Variants in SPATS2L observed in about 807,000 individuals in gnomAD.
SPATS2L encodes the protein spermatogenesis associated serine rich 2 like.
Under a neutral mutation model 59.6 loss-of-function variants are expected in SPATS2L, and 30 were observed. The ratio of observed to expected loss-of-function variants is 0.50; its 90% CI spans 0.38 to 0.68. SPATS2L has a LOEUF of 0.68. Among genes scored for constraint, SPATS2L ranks in the 30% least tolerant of loss-of-function variants. The pLI is 0.00. For synonymous variants in SPATS2L, 252 were observed against 263.5 expected (o/e 0.96, Z 0.42); for missense variants, 615 against 700.0 (o/e 0.88, Z 1.37).
intron 2 of SPATS2L, among the ~76,000 whole-genome samples, chr2:200,360,605 C>A (rs2105867842): frequency 6.6e-6 from 1 of 152,254 alleles, no homozygotes; most frequent in Non-Finnish European, 1.5e-5. Context: ...TTCAAATGAA[C>A]CTAGGAGATA....
chr2:200,378,356 G>C, intron 2 of SPATS2L: 2 of 1,002,526 alleles, frequency 2.0e-6, no homozygotes, highest in African/African-American at 3.5e-5. Flanking sequence ...TTTGGAGCAC[G>C]AGGAAACCTT....
chr2:200,330,724 A>G (rs988314264), intron 2 of SPATS2L, among the ~76,000 whole-genome samples: 2 of 152,248 alleles, frequency 1.3e-5, no homozygotes, highest in African/African-American at 4.8e-5. Flanking sequence ...CTGGAAGGCA[A>G]CAGCTTGATG....
intron 12 of SPATS2L, among the ~76,000 whole-genome samples, chr2:200,477,397 C>T (rs1343402070): frequency 1.3e-5 from 2 of 151,766 alleles, no homozygotes; most frequent in East Asian, 3.9e-4. Flanking sequence ...ACTTCTGTAA[C>T]CTCTCTTTCA....
chr2:200,419,438 T>G lies in SPATS2L; in HGVS notation c.387T>G (p.Pro129=), dbSNP rs1244581246. The G allele has an allele frequency of 6.2e-7, 1 of 1,613,698 alleles. No homozygotes were observed. The highest frequency in any genetic ancestry group is 1.3e-5 in the African/African-American group (1 of 74,892). Residue 129 remains proline (P), a synonymous_variant, in exon 6 of 13, where the codon CCT becomes CCG. Transcript: ENST00000409140. ...CTAACGAAAAACCAGCCCTTATCCC[T>G]CGTGAGAAAAAGATCTCGATACTTG... ...DSANEKPALI[P]REKKISILEE... is the part of the protein sequence containing the mutation.
intron 2 of SPATS2L, among the ~76,000 whole-genome samples, chr2:200,333,288 AAAAAAAGAGAGAGAGAG>A (rs897202465): frequency 2.6e-5 from 4 of 151,904 alleles, no homozygotes; most frequent in African/African-American, 9.7e-5. Context: ...CCTGTCTCAA[AAAAAAAGAGAGAGAGAG>A]AAAGAAAAGA....
intron 2 of SPATS2L, among the ~76,000 whole-genome samples, chr2:200,358,029 T>TA (rs1415426567): frequency 6.6e-6 from 1 of 152,166 alleles, no homozygotes; most frequent in Non-Finnish European, 1.5e-5. Context: ...ACATTCCTGT[T>TA]ACAGAGTCAT....
At chr2:200,388,997 T>C (rs891676305) in intron 2 of SPATS2L, among the ~76,000 whole-genome samples, 4 of 152,222 alleles carry the variant, frequency 2.6e-5, no homozygotes, top group African/African-American at 4.8e-5. Context: ...TCGTTTTTCA[T>C]GTCAATACAG....
intron 2 of SPATS2L, among the ~76,000 whole-genome samples, chr2:200,346,405 C>T (rs951893552): frequency 6.6e-6 from 1 of 152,150 alleles, no homozygotes; most frequent in African/African-American, 2.4e-5. Context: ...ACCTTCCTCT[C>T]AGTTCTGAAG....
chr2:200,358,045 G>A (rs1192428477), intron 2 of SPATS2L, among the ~76,000 whole-genome samples: 1 of 152,138 alleles, frequency 6.6e-6, no homozygotes, highest in Non-Finnish European at 1.5e-5. Context: ...GTCATGTTCT[G>A]AAATTTTCGT....
At chr2:200,474,329 C>T (rs1251640507) in intron 12 of SPATS2L, among the ~76,000 whole-genome samples, 1 of 151,946 alleles carries the variant, frequency 6.6e-6, no homozygotes, top group Non-Finnish European at 1.5e-5. Flanking sequence ...CTAAATATAT[C>T]TTCACAGTTT....
rs2080997095 is a variant in SPATS2L, at chr2:200,358,654, A to T, written c.-23+29174A>T. The stretch of plus-strand genomic sequence containing the variant: ...ATTGCATCTTCAAGCAAATGTAGTA[A>T]TATCTTGGGCTCTTGAAAATTTGGT... On this transcript the variant is annotated intron_variant, in intron 2 of 12. Transcript: ENST00000409140. 2.0e-5 allele frequency among the ~76,000 whole-genome samples: 3 copies of T among 151,906 alleles called. No individual in the cohort carries two copies. The South Asian group carries it at 6.2e-4, about 32-fold the overall frequency.
At chr2:200,332,512 G>A (rs937573806) in intron 2 of SPATS2L, among the ~76,000 whole-genome samples, 1 of 152,102 alleles carries the variant, frequency 6.6e-6, no homozygotes, top group Non-Finnish European at 1.5e-5. Flanking sequence ...CTCCCACAGT[G>A]GTGGGATTAC....
At chr2:200,435,545 A>G (rs1390525993) in intron 6 of SPATS2L, among the ~76,000 whole-genome samples, 1 of 152,186 alleles carries the variant, frequency 6.6e-6, no homozygotes, top group African/African-American at 2.4e-5. Flanking sequence ...GTAGGCATGC[A>G]TAGCACTGAA....
chr2:200,306,667 G>A (rs947113648), upstream of SPATS2L: 20 of 987,078 alleles, frequency 2.0e-5, no homozygotes, highest in African/African-American at 5.3e-5. Flanking sequence ...GGGCGGGAGT[G>A]TCCCTGCGTG....
chr2:200,444,224 T>G (rs948031706), intron 8 of SPATS2L, among the ~76,000 whole-genome samples: 1 of 152,222 alleles, frequency 6.6e-6, no homozygotes, highest in African/African-American at 2.4e-5. Flanking sequence ...TTAATTGCTT[T>G]ATATGCAGAC....
intron 6 of SPATS2L, among the ~76,000 whole-genome samples, chr2:200,433,779 GA>G (rs2084095561): frequency 6.6e-6 from 1 of 152,004 alleles, no homozygotes; most frequent in Non-Finnish European, 1.5e-5. Context: ...AGAAGAAATA[GA>G]AAATCTGAAT....
At chr2:200,382,037 C>T (rs1272097120) in intron 2 of SPATS2L, among the ~76,000 whole-genome samples, 1 of 152,130 alleles carries the variant, frequency 6.6e-6, no homozygotes. Context: ...TAGGAAGCTG[C>T]AGGAAAACAG....
intron 3 of SPATS2L, among the ~76,000 whole-genome samples, chr2:200,401,889 T>C (rs1476588178): frequency 6.6e-6 from 1 of 152,172 alleles, no homozygotes; most frequent in Admixed American, 6.5e-5. Flanking sequence ...GATTTACAGA[T>C]TCAGCTGCCT....
In SPATS2L at chr2:200,396,033, A is replaced by AATATAT. The variant is rs1553520465; in HGVS notation, c.39+6779_39+6784dup. Among the ~76,000 whole-genome samples, 49 of 21,116 alleles carry AATATAT rather than the reference A, an allele frequency of 2.3e-3. 1 individual carries two copies. Among genetic ancestry groups the AATATAT allele is most frequent in the Admixed American group, 3.3e-3 (4 of 1,230 alleles). 13.9% of individuals were successfully genotyped at this position (21,116 alleles called of 152,430 possible). A position where few individuals can be genotyped will look rare whatever the true frequency, so the allele number is the denominator to read the frequency against. ...CTGGAAAAAAAAAAAAAAAAAAAAA[A>AATATAT]ATATATATATATATATATATATATA... On this transcript the variant is annotated intron_variant, in intron 3 of 12. Transcript: ENST00000409140.
Sources: allele counts gnomAD v4.1 joint callset (sites outside exome capture counted in the v4.1 genomes callset), GRCh38; gene constraint gnomAD v4.1.1; transcripts MANE v1.5; gene names NCBI Gene and HGNC (gene_info 2026-07-23, HGNC 2026-07-21).